The following SYN3 variants were observed in gnomAD, a reference collection of about 807,000 sequenced individuals.
SYN3 encodes the protein synapsin-3.
In SYN3, 35 loss-of-function variants were observed where a neutral mutation model predicts 65.8. That is an observed-to-expected ratio of 0.53 (90% CI 0.41 to 0.70). SYN3 has a LOEUF of 0.70. Among genes scored for constraint, SYN3 ranks in the 30% least tolerant of loss-of-function variants. SYN3 has a pLI of 0.00. For synonymous variants in SYN3, 270 were observed against 292.9 expected (o/e 0.92, Z 0.80); for missense variants, 680 against 749.0 (o/e 0.91, Z 1.08).
chr22:32,903,112 G>A (rs200526068), intron 4 of SYN3, among the ~76,000 whole-genome samples: 2 of 152,072 alleles, frequency 1.3e-5, no homozygotes, highest in African/African-American at 4.8e-5. Context: ...AGGGAGTGGT[G>A]GGGACTCTGG....
At chr22:32,529,078 G>C in intron 10 of SYN3, 70 bp from the exon 11 acceptor site, 1 of 1,598,290 alleles carries the variant, frequency 6.3e-7, no homozygotes, top group South Asian at 1.1e-5. Context: ...TCACATCCCA[G>C]AAGTGGGGGC....
intron 1 of SYN3, among the ~76,000 whole-genome samples, chr22:33,017,919 G>A (rs1306047607): frequency 6.6e-6 from 1 of 152,186 alleles, no homozygotes; most frequent in Non-Finnish European, 1.5e-5. Flanking sequence ...GTAGGAAAAA[G>A]CAAGGCACAT....
chr22:32,530,576 C>CTTTTTTTTTTT (rs1253096632), intron 10 of SYN3, among the ~76,000 whole-genome samples: 1 of 150,330 alleles, frequency 6.7e-6, no homozygotes, highest in African/African-American at 2.5e-5. Context: ...CTCTACGGGC[C>CTTTTTTTTTTT]TATTTTTTTT....
chr22:32,990,209 G>T (rs145016584), intron 2 of SYN3, among the ~76,000 whole-genome samples: 3 of 152,278 alleles, frequency 2.0e-5, no homozygotes, highest in African/African-American at 7.2e-5. Flanking sequence ...AAGGTGAAAA[G>T]TGCAGAGCAC....
At chr22:32,901,298 G>C (rs1259371101) in intron 4 of SYN3, among the ~76,000 whole-genome samples, 1 of 152,216 alleles carries the variant, frequency 6.6e-6, no homozygotes, top group East Asian at 1.9e-4. Flanking sequence ...TTAGAGGCTG[G>C]GTTGTTGGGT....
intron 1 of SYN3, among the ~76,000 whole-genome samples, chr22:33,012,472 TTTGTGGTTGC>T (rs1377815024): frequency 2.0e-5 from 3 of 152,244 alleles, no homozygotes; most frequent in African/African-American, 7.2e-5. Context: ...GAATGCATAT[TTTGTGGTTGC>T]TGGGTGTAAT....
At chr22:32,753,786 G>C (rs2045210887) in intron 6 of SYN3, among the ~76,000 whole-genome samples, 1 of 152,012 alleles carries the variant, frequency 6.6e-6, no homozygotes, top group African/African-American at 2.4e-5. Context: ...TGTCCTAACA[G>C]AAGCCAATGA....
At chr22:32,903,141 C>T (rs1432579044) in intron 4 of SYN3, among the ~76,000 whole-genome samples, 4 of 152,110 alleles carry the variant, frequency 2.6e-5, no homozygotes, top group African/African-American at 9.7e-5. Context: ...AGAGTCCATG[C>T]TCTGACTAAA....
At chr22:32,925,856 G>T (rs1263864020) in intron 4 of SYN3, among the ~76,000 whole-genome samples, 1 of 131,558 alleles carries the variant, frequency 7.6e-6, no homozygotes, top group Admixed American at 9.5e-5. Context: ...GGACCAATGG[G>T]ATAGTTGTTC....
At chr22:32,539,239 G>GT (rs1002751567) in intron 8 of SYN3, among the ~76,000 whole-genome samples, 49 of 152,306 alleles carry the variant, frequency 3.2e-4, no homozygotes, top group African/African-American at 1.2e-3. Context: ...CTGCACCGTA[G>GT]TTGGCAAGGT....
Position 32,837,327 on chromosome 22 carries a change from G to A in SYN3, c.711+27588C>T, listed in dbSNP as rs377577287. On this transcript the variant is annotated intron_variant, in intron 6 of 13. Coordinates refer to ENST00000358763, the MANE Select transcript of SYN3 (RefSeq NM_003490.4). The surrounding 1 kb of genome is among the most constrained non-coding windows in gnomAD (Gnocchi z 4.1). ...CTGGAGCACTCTCAGGGGATAGGGGGTGGTCTCAGCCCCCCTCACCGAGTG... is the reference window on the plus strand; with the variant it reads ...CTGGAGCACTCTCAGGGGATAGGGGATGGTCTCAGCCCCCCTCACCGAGTG... Among the ~76,000 whole-genome samples the A allele has an allele frequency of 2.0e-5, 3 of 152,174 alleles. No individual in the cohort carries two copies. Among genetic ancestry groups the A allele is most frequent in the African/African-American group, 7.2e-5 (3 of 41,442 alleles).
chr22:32,812,741 T>G (rs2046948472), intron 6 of SYN3, among the ~76,000 whole-genome samples: 1 of 152,184 alleles, frequency 6.6e-6, no homozygotes, highest in Admixed American at 6.5e-5. Flanking sequence ...ATGGAACCTT[T>G]GTTTAAGTGA....
At chr22:32,753,924 T>C (rs2045216965) in intron 6 of SYN3, among the ~76,000 whole-genome samples, 1 of 152,236 alleles carries the variant, frequency 6.6e-6, no homozygotes, top group Non-Finnish European at 1.5e-5. Flanking sequence ...CCATTTTCCA[T>C]ATGAGAAATT....
intron 7 of SYN3, among the ~76,000 whole-genome samples, chr22:32,571,592 T>C (rs2058759466): frequency 6.6e-6 from 1 of 152,214 alleles, no homozygotes; most frequent in Non-Finnish European, 1.5e-5. Flanking sequence ...CGATGGTACC[T>C]TAATACACCT....
chr22:32,653,953 A>G (rs2060107751), intron 6 of SYN3, among the ~76,000 whole-genome samples: 1 of 152,198 alleles, frequency 6.6e-6, no homozygotes, highest in Admixed American at 6.5e-5. Context: ...TTCTGTGAAC[A>G]CGTGCCACTG....
Position 32,831,918 on chromosome 22 carries a change from T to TGA in SYN3, c.711+32995_711+32996dup, listed in dbSNP as rs1207882979. Among the ~76,000 whole-genome samples the TGA allele has an allele frequency of 3.3e-5, 5 of 152,176 alleles. No individual in the cohort carries two copies. In the East Asian group the frequency reaches 9.7e-4, roughly 29 times the overall value. On this transcript the variant is annotated intron_variant, in intron 6 of 13. Coordinates refer to ENST00000358763, the MANE Select transcript of SYN3 (RefSeq NM_003490.4). Reference sequence around the variant, plus strand: ...ACAGATTGTTGAAGGGCACTAAAATTGAGGCAAGGAGCTGAATAATGTGCC... The same window carrying TGA: ...ACAGATTGTTGAAGGGCACTAAAATTGAGAGGCAAGGAGCTGAATAATGTGCC...
intron 3 of SYN3, among the ~76,000 whole-genome samples, chr22:32,963,985 G>T (rs549618783): frequency 6.6e-6 from 1 of 152,226 alleles, no homozygotes; most frequent in East Asian, 1.9e-4. Flanking sequence ...AGCACTAGAG[G>T]GGGTGAGCCT....
intron 6 of SYN3, among the ~76,000 whole-genome samples, chr22:32,604,970 C>A (rs1438407188): frequency 7.0e-6 from 1 of 142,300 alleles, no homozygotes; most frequent in African/African-American, 2.6e-5. Flanking sequence ...GGCGCCACTG[C>A]ACACCAGCCT....
chr22:32,818,289 G>A (rs753843138), intron 6 of SYN3, among the ~76,000 whole-genome samples: 5 of 152,224 alleles, frequency 3.3e-5, no homozygotes, highest in African/African-American at 4.8e-5. Flanking sequence ...GGCAAAGCAA[G>A]GACGGGCACA....
Sources: gnomAD v4.1 joint callset for allele counts (sites outside exome capture counted in the v4.1 genomes callset) on GRCh38, gnomAD v4.1.1 for gene constraint, Gnocchi (gnomAD v3.1) non-coding constraint, MANE v1.5 for transcripts, NCBI Gene and HGNC (gene_info 2026-07-23, HGNC 2026-07-21) for gene names.